Variants in ARHGAP24 observed in about 807,000 individuals in gnomAD.
ARHGAP24 encodes the protein rho GTPase-activating protein 24.
Under a neutral mutation model 76.4 loss-of-function variants are expected in ARHGAP24, and 50 were observed. That is an observed-to-expected ratio of 0.65 (90% confidence interval 0.52 to 0.83). ARHGAP24 has a LOEUF of 0.83. Among genes scored for constraint, ARHGAP24 ranks in the 40% least tolerant of loss-of-function variants. ARHGAP24 has a pLI of 0.00. For synonymous variants in ARHGAP24, 345 were observed against 323.3 expected, an observed-to-expected ratio of 1.07 and a Z score of -0.72; for missense variants, 930 against 914.2, an observed-to-expected ratio of 1.02 and a Z score of -0.22.
intron 2 of ARHGAP24, among the ~76,000 whole-genome samples, chr4:85,602,274 A>G (rs1720055254): frequency 6.6e-6 from 1 of 152,222 alleles, no homozygotes; most frequent in Admixed American, 6.5e-5. Context: ...AATCAAAGCT[A>G]ATGACCACAC....
At chr4:85,958,450 A>G (rs1288963480) in intron 5 of ARHGAP24, among the ~76,000 whole-genome samples, 1 of 152,192 alleles carries the variant, frequency 6.6e-6, no homozygotes, top group Non-Finnish European at 1.5e-5. Flanking sequence ...TCTATGTGAT[A>G]CAGAGACTAG....
At chr4:85,699,000 A>C (rs1159953576) in intron 2 of ARHGAP24, among the ~76,000 whole-genome samples, 1 of 152,038 alleles carries the variant, frequency 6.6e-6, no homozygotes, top group Non-Finnish European at 1.5e-5. Flanking sequence ...ATCCCTTATG[A>C]CCTCATCTAA....
chr4:85,838,734 G>A (rs1268259471), intron 3 of ARHGAP24, among the ~76,000 whole-genome samples: 1 of 152,146 alleles, frequency 6.6e-6, no homozygotes, highest in Non-Finnish European at 1.5e-5. Context: ...TTTTAGGGAC[G>A]TTTTCTTTAA....
chr4:85,981,168 G>A (rs2148859956), intron 8 of ARHGAP24, among the ~76,000 whole-genome samples: 1 of 152,250 alleles, frequency 6.6e-6, no homozygotes, highest in Admixed American at 6.5e-5. Flanking sequence ...AGCACTAACT[G>A]ATTTTTCTTG....
intron 2 of ARHGAP24, among the ~76,000 whole-genome samples, chr4:85,580,315 A>G (rs749437765): frequency 1.3e-5 from 2 of 152,272 alleles, no homozygotes; most frequent in East Asian, 1.9e-4. Flanking sequence ...CTACATGTCC[A>G]TATTGGTTGT....
At chr4:85,716,343 G>A (rs944052925) in intron 2 of ARHGAP24, among the ~76,000 whole-genome samples, 3 of 152,064 alleles carry the variant, frequency 2.0e-5, no homozygotes, top group Non-Finnish European at 4.4e-5. Context: ...ACTCTTAGCT[G>A]TCAAACTATA....
chr4:85,656,428 T>A (rs567544059), intron 2 of ARHGAP24, among the ~76,000 whole-genome samples: 2 of 152,116 alleles, frequency 1.3e-5, no homozygotes, highest in African/African-American at 4.8e-5. Context: ...GACTTTAGAA[T>A]CAATTAGTGT....
At chr4:85,683,250 A>G (rs114853955) in intron 2 of ARHGAP24, among the ~76,000 whole-genome samples, 1 of 151,822 alleles carries the variant, frequency 6.6e-6, no homozygotes, top group Admixed American at 6.6e-5. Flanking sequence ...AAGGGAATGT[A>G]TTATTTCCAT....
At chr4:85,655,818 A>AGAGAGAGAGAGAGAGAAAG (rs1237643654) in intron 2 of ARHGAP24, among the ~76,000 whole-genome samples, 1 of 35,506 alleles carries the variant, frequency 2.8e-5, no homozygotes, top group Non-Finnish European at 5.1e-5. Context: ...GAGAGAGAGA[A>AGAGAGAGAGAGAGAGAAAG]AGAGAGAGAG....
intron 3 of ARHGAP24, among the ~76,000 whole-genome samples, chr4:85,764,917 GTTCCTTGCC>G (rs1726869334): frequency 6.6e-6 from 1 of 152,056 alleles, no homozygotes; most frequent in Non-Finnish European, 1.5e-5. Flanking sequence ...CAGTATACTT[GTTCCTTGCC>G]CCTTGAAAGG....
At chr4:85,623,887 C>CTGTT (rs545900942) in intron 2 of ARHGAP24, among the ~76,000 whole-genome samples, 41,291 of 139,018 alleles carry the variant, frequency 0.3, 7,066 homozygotes, top group East Asian at 0.82. Flanking sequence ...ATTTGGCTCT[C>CTGTT]TGTCTGTTAT....
chr4:85,956,472 G>T (rs575903933), intron 5 of ARHGAP24, among the ~76,000 whole-genome samples: 1 of 152,050 alleles, frequency 6.6e-6, no homozygotes, highest in East Asian at 1.9e-4. Context: ...AAATGGTGGC[G>T]GGCCACTTTG....
At chr4:85,714,180 G>A (rs1724642052) in intron 2 of ARHGAP24, among the ~76,000 whole-genome samples, 1 of 152,150 alleles carries the variant, frequency 6.6e-6, no homozygotes. Flanking sequence ...CTCTATCTGA[G>A]AAGAAATTCA....
chr4:85,703,964 C>T (rs1214124713), intron 2 of ARHGAP24, among the ~76,000 whole-genome samples: 2 of 152,098 alleles, frequency 1.3e-5, no homozygotes, highest in East Asian at 3.8e-4. Flanking sequence ...CTGGCAATGA[C>T]TGGTATATTT....
chr4:85,818,065 A>C (rs1476277414), intron 3 of ARHGAP24, among the ~76,000 whole-genome samples: 1 of 152,238 alleles, frequency 6.6e-6, no homozygotes, highest in Non-Finnish European at 1.5e-5. Context: ...GGTTTAAATG[A>C]CATTATATCA....
At chr4:85,534,806 A>G (rs773874937) in intron 1 of ARHGAP24, among the ~76,000 whole-genome samples, 2 of 152,116 alleles carry the variant, frequency 1.3e-5, no homozygotes, top group African/African-American at 2.4e-5. Flanking sequence ...AGTGGAAGTC[A>G]CTAGCAGTGG....
intron 2 of ARHGAP24, among the ~76,000 whole-genome samples, chr4:85,686,169 A>G (rs757994856): frequency 1.3e-5 from 2 of 152,220 alleles, no homozygotes; most frequent in Non-Finnish European, 2.9e-5. Flanking sequence ...CAAATCAATC[A>G]CAGAGCCTAC....
chr4:85,983,777 T>G (rs1232754472), intron 8 of ARHGAP24, among the ~76,000 whole-genome samples: 7 of 152,134 alleles, frequency 4.6e-5, no homozygotes, highest in Non-Finnish European at 1.0e-4. Flanking sequence ...CAGGGTCTCT[T>G]GTCTTCTTCT....
chr4:85,878,918 C>T (rs2148766125), intron 3 of ARHGAP24, among the ~76,000 whole-genome samples: 1 of 152,278 alleles, frequency 6.6e-6, no homozygotes, highest in South Asian at 2.1e-4. Context: ...TTTGTGAAAG[C>T]TTTGAAGGAA....
Sources: gnomAD v4.1 joint callset for allele counts (sites outside exome capture counted in the v4.1 genomes callset) on GRCh38, gnomAD v4.1.1 for gene constraint, MANE v1.5 for transcripts, NCBI Gene and HGNC (gene_info 2026-07-23, HGNC 2026-07-21) for gene names.